Variants in CNTNAP5 observed in about 807,000 individuals in gnomAD.
CNTNAP5 encodes contactin-associated protein-like 5.
In CNTNAP5, 72 loss-of-function variants were observed where a neutral mutation model predicts 150.2. The observed-to-expected ratio is 0.48, with a 90% confidence interval of 0.40 to 0.58. The LOEUF is 0.58. Among genes scored for constraint, CNTNAP5 ranks in the 20% least tolerant of loss-of-function variants. CNTNAP5 has a pLI of 0.00. For synonymous variants in CNTNAP5, 672 were observed against 619.8 expected (o/e 1.08, Z -1.25); for missense variants, 1,636 against 1,626.2 (o/e 1.01, Z -0.10).
At chr2:124,071,500 G>A (rs1682303868) in intron 1 of CNTNAP5, among the ~76,000 whole-genome samples, 1 of 151,726 alleles carries the variant, frequency 6.6e-6, no homozygotes, top group African/African-American at 2.4e-5. Context: ...AAATAAAATT[G>A]GAGATGAAAA....
At chr2:124,252,874 T>A (rs2104782065) in intron 3 of CNTNAP5, among the ~76,000 whole-genome samples, 1 of 152,222 alleles carries the variant, frequency 6.6e-6, no homozygotes, top group African/African-American at 2.4e-5. Flanking sequence ...ATTGAAACCA[T>A]ACACATGGAC....
chr2:124,553,184 G>A (rs1052007864), intron 10 of CNTNAP5, among the ~76,000 whole-genome samples: 2 of 152,112 alleles, frequency 1.3e-5, no homozygotes, highest in Non-Finnish European at 2.9e-5. Flanking sequence ...ACTGGCAAAG[G>A]CTGTAAAGGG....
At chr2:124,825,813 A>G (rs1415504131) in intron 19 of CNTNAP5, among the ~76,000 whole-genome samples, 1 of 152,166 alleles carries the variant, frequency 6.6e-6, no homozygotes, top group Admixed American at 6.6e-5. Context: ...CGATGATCCC[A>G]TCCAGGATAT....
intron 7 of CNTNAP5, among the ~76,000 whole-genome samples, chr2:124,475,135 T>C (rs2104834105): frequency 6.6e-6 from 1 of 152,160 alleles, no homozygotes; most frequent in South Asian, 2.1e-4. Flanking sequence ...GGGTCATATT[T>C]CAACTGTGGG....
At chr2:124,824,687 C>T (rs533202264) in intron 19 of CNTNAP5, among the ~76,000 whole-genome samples, 2 of 152,254 alleles carry the variant, frequency 1.3e-5, no homozygotes, top group East Asian at 1.9e-4. Flanking sequence ...ATACTGGAGC[C>T]ACTTTGCTCC....
intron 3 of CNTNAP5, among the ~76,000 whole-genome samples, chr2:124,266,481 C>A (rs1309395646): frequency 6.6e-6 from 1 of 152,132 alleles, no homozygotes; most frequent in African/African-American, 2.4e-5. Context: ...GAACAGCCCT[C>A]AGAATGATTT....
chr2:124,776,168 C>T (rs980243264), intron 17 of CNTNAP5, among the ~76,000 whole-genome samples: 12 of 152,236 alleles, frequency 7.9e-5, no homozygotes, highest in Non-Finnish European at 1.0e-4. Context: ...CCAAACTTAA[C>T]GCAAGATCTT....
intron 8 of CNTNAP5, among the ~76,000 whole-genome samples, chr2:124,507,009 A>G (rs1216648728): frequency 6.6e-6 from 1 of 152,234 alleles, no homozygotes; most frequent in Admixed American, 6.5e-5. Context: ...TGAATTACAG[A>G]CAAATTAACA....
At chr2:124,329,154 G>A (rs953600158) in intron 3 of CNTNAP5, among the ~76,000 whole-genome samples, 1 of 152,172 alleles carries the variant, frequency 6.6e-6, no homozygotes, top group African/African-American at 2.4e-5. Flanking sequence ...TTGGGATAAA[G>A]TTCGTCTGAG....
At chr2:124,818,660 C>G (rs551368525) in intron 19 of CNTNAP5, among the ~76,000 whole-genome samples, 26 of 152,308 alleles carry the variant, frequency 1.7e-4, no homozygotes, top group Non-Finnish European at 2.9e-4. Flanking sequence ...CCCCCACTTT[C>G]CACTCCATCC....
intron 11 of CNTNAP5, among the ~76,000 whole-genome samples, chr2:124,581,096 C>A (rs963850898): frequency 1.3e-5 from 2 of 152,082 alleles, no homozygotes; most frequent in African/African-American, 4.8e-5. Context: ...ATGAGGAAAC[C>A]AGGGGAATAG....
At chr2:124,806,706 G>A (rs314719) in intron 19 of CNTNAP5, among the ~76,000 whole-genome samples, 107,597 of 152,076 alleles carry the variant, frequency 0.71, 38,367 homozygotes, top group East Asian at 0.85. Context: ...AAAGAAAAAA[G>A]GAGTGCACAA....
chr2:124,310,680 C>T (rs1455483788), intron 3 of CNTNAP5, among the ~76,000 whole-genome samples: 1 of 151,932 alleles, frequency 6.6e-6, no homozygotes, highest in Admixed American at 6.6e-5. Flanking sequence ...TTGTCAAAGG[C>T]CCCGTGGGAT....
intron 12 of CNTNAP5, among the ~76,000 whole-genome samples, chr2:124,631,641 C>T (rs1358750482): frequency 6.6e-6 from 1 of 152,156 alleles, no homozygotes; most frequent in Non-Finnish European, 1.5e-5. Flanking sequence ...CTAGGCAATA[C>T]CATTCAGGAC....
intron 3 of CNTNAP5, among the ~76,000 whole-genome samples, chr2:124,290,609 G>A (rs538668147): frequency 1.3e-5 from 2 of 152,278 alleles, no homozygotes; most frequent in East Asian, 3.9e-4. Flanking sequence ...TCACCGAACA[G>A]AATAGTTCTG....
At chr2:124,234,926 A>G (rs1023381442) in intron 2 of CNTNAP5, among the ~76,000 whole-genome samples, 1 of 152,180 alleles carries the variant, frequency 6.6e-6, no homozygotes, top group African/African-American at 2.4e-5. Context: ...GTTCGTGCTC[A>G]TATGCCTCAG....
At chr2:124,532,433 C>T (rs1695131731) in intron 10 of CNTNAP5, among the ~76,000 whole-genome samples, 1 of 152,116 alleles carries the variant, frequency 6.6e-6, no homozygotes, top group Non-Finnish European at 1.5e-5. Flanking sequence ...GATTCCCAGT[C>T]AATTCCAGGA....
intron 13 of CNTNAP5, among the ~76,000 whole-genome samples, chr2:124,682,192 G>A (rs1170279973): frequency 6.6e-6 from 1 of 152,174 alleles, no homozygotes; most frequent in Non-Finnish European, 1.5e-5. Flanking sequence ...CCAGGAGCAT[G>A]TAGGAGATTT....
chr2:124,638,630 T>G (rs73952856), intron 12 of CNTNAP5, among the ~76,000 whole-genome samples: 1,823 of 152,314 alleles, frequency 0.012, 32 homozygotes, highest in African/African-American at 0.041. Flanking sequence ...ATGCACACAC[T>G]GGCTGATCAG....
Sources: gnomAD v4.1 joint callset for allele counts (sites outside exome capture counted in the v4.1 genomes callset) on GRCh38, gnomAD v4.1.1 for gene constraint, MANE v1.5 for transcripts, NCBI Gene and HGNC (gene_info 2026-07-23, HGNC 2026-07-21) for gene names.